DOCK4: variants seen among roughly 807,000 people sequenced by gnomAD.
DOCK4 encodes dedicator of cytokinesis 4, also known as dedicator of cytokinesis protein 4.
DOCK4 carries 97 observed loss-of-function variants against 268.1 expected under a neutral mutation model. The ratio of observed to expected loss-of-function variants is 0.36; its 90% CI spans 0.31 to 0.43. The LOEUF (loss-of-function observed/expected upper bound fraction) is 0.43, where lower values mean the gene tolerates loss of function less well. Ranked by LOEUF, DOCK4 falls within the 20% of genes least tolerant of loss-of-function variation. The pLI is 1.00. For synonymous variants in DOCK4, 954 were observed against 887.2 expected, an observed-to-expected ratio of 1.08 and a Z score of -1.34; for missense variants, 2,145 against 2,455.7, an observed-to-expected ratio of 0.87 and a Z score of 2.67.
At chr7:111,737,764 T>A (rs970494436) in intron 49 of DOCK4, among the ~76,000 whole-genome samples, 1 of 152,156 alleles carries the variant, frequency 6.6e-6, no homozygotes, top group Non-Finnish European at 1.5e-5. Flanking sequence ...GGGAGGCTAA[T>A]CAGAGAAGGC....
At chr7:112,031,765 A>C (rs1803296427) in intron 1 of DOCK4, among the ~76,000 whole-genome samples, 1 of 152,202 alleles carries the variant, frequency 6.6e-6, no homozygotes, top group Non-Finnish European at 1.5e-5. Flanking sequence ...TAAAACTATT[A>C]AATGAACCGC....
intron 1 of DOCK4, among the ~76,000 whole-genome samples, chr7:112,141,963 C>T (rs1291282352): frequency 6.6e-6 from 1 of 152,296 alleles, no homozygotes; most frequent in South Asian, 2.1e-4. Flanking sequence ...AACATCCCCC[C>T]ACTCATTGCA....
At chr7:111,795,538 A>G (rs777781335) in intron 30 of DOCK4, among the ~76,000 whole-genome samples, 127 of 152,298 alleles carry the variant, frequency 8.3e-4, no homozygotes, top group Non-Finnish European at 1.6e-3. Context: ...GGAAACAACC[A>G]GCCCTGATGC....
intron 1 of DOCK4, among the ~76,000 whole-genome samples, chr7:112,152,855 T>C (rs936424034): frequency 1.3e-5 from 2 of 152,066 alleles, no homozygotes; most frequent in Admixed American, 6.6e-5. Context: ...CCTTAAGTAG[T>C]AAAATGTGAA....
intron 12 of DOCK4, among the ~76,000 whole-genome samples, chr7:111,933,543 C>T (rs1218856174): frequency 6.6e-6 from 1 of 151,914 alleles, no homozygotes; most frequent in African/African-American, 2.4e-5. Context: ...GATCCACCCG[C>T]CTTGGCCTCC....
chr7:112,160,613 G>C (rs890582286), intron 1 of DOCK4, among the ~76,000 whole-genome samples: 1 of 152,166 alleles, frequency 6.6e-6, no homozygotes, highest in Non-Finnish European at 1.5e-5. Flanking sequence ...AGGTTACACA[G>C]AAATCTGAAC....
At chr7:111,960,929 T>C (rs1057175643) in intron 8 of DOCK4, among the ~76,000 whole-genome samples, 8 of 152,222 alleles carry the variant, frequency 5.3e-5, no homozygotes, top group African/African-American at 1.4e-4. Flanking sequence ...CATTCATCTG[T>C]TGATGGACAC....
intron 1 of DOCK4, among the ~76,000 whole-genome samples, chr7:112,033,050 G>C (rs1370277001): frequency 1.3e-5 from 2 of 152,122 alleles, no homozygotes; most frequent in Non-Finnish European, 2.9e-5. Flanking sequence ...GCAATAATCT[G>C]AGTAAGCAAA....
chr7:112,060,607 G>GTACA (rs1426059527), intron 1 of DOCK4, among the ~76,000 whole-genome samples: 2 of 152,128 alleles, frequency 1.3e-5, no homozygotes, highest in Non-Finnish European at 2.9e-5. Context: ...GCAAAATATG[G>GTACA]TACATAACAC....
chr7:111,840,853 A>T (rs1803630355), intron 25 of DOCK4: 8 of 1,351,038 alleles, frequency 5.9e-6, no homozygotes, highest in Non-Finnish European at 7.8e-6. Context: ...AAGACTCCCT[A>T]TTCAGAAAGC....
At chr7:111,977,086 C>A in intron 8 of DOCK4, 46 bp downstream of exon 8, 1 of 1,597,016 alleles carries the variant, frequency 6.3e-7, no homozygotes, top group Non-Finnish European at 8.5e-7. Flanking sequence ...AAATATCCAC[C>A]ATTCTAACAT....
chr7:112,047,675 G>A lies in DOCK4; in HGVS notation c.38-43544C>T, dbSNP rs187661202. On this transcript the variant is annotated intron_variant, in intron 1 of 52. Coordinates refer to ENST00000428084, the MANE Select transcript of DOCK4 (RefSeq NM_001363540.2). ...GCAACTATCCTAAATGAAACACAGA[G>A]AAAATTAATTAGTTTATTTATTTAT... 5.1e-3 allele frequency among the ~76,000 whole-genome samples: 778 copies of A among 151,988 alleles called. 7 individuals are homozygous for A. The highest frequency in any genetic ancestry group is 0.018 in the African/African-American group (733 of 41,500).
At chr7:111,934,302 C>A (rs573170218) in intron 12 of DOCK4, among the ~76,000 whole-genome samples, 4 of 152,054 alleles carry the variant, frequency 2.6e-5, no homozygotes, top group Non-Finnish European at 5.9e-5. Flanking sequence ...GTAGTATATA[C>A]TATATGTTAC....
At position 111,844,755 on chromosome 7, in the gene DOCK4, G is replaced by T. The variant is rs1456287830; in HGVS notation, c.2736+8C>A. The T allele has an allele frequency of 1.2e-6, 2 of 1,611,282 alleles. No homozygotes were observed. Among genetic ancestry groups the T allele is most frequent in the East Asian group, 4.5e-5 (2 of 44,838 alleles). ...CTGTTCCACGTGCCATCTGCTCTAT[G>T]ATCTTACAGTGACATCCTGGAACTG... On this transcript the variant is annotated splice_region_variant and intron_variant, in intron 25 of 52. Transcript: ENST00000428084.
At chr7:111,984,658 C>G (rs1798909985) in intron 6 of DOCK4, among the ~76,000 whole-genome samples, 1 of 152,188 alleles carries the variant, frequency 6.6e-6, no homozygotes, top group African/African-American at 2.4e-5. Context: ...CACTGGGGGC[C>G]TTAGCACCAC....
intron 1 of DOCK4, among the ~76,000 whole-genome samples, chr7:112,151,307 C>T (rs543100046): frequency 2.0e-5 from 3 of 152,202 alleles, no homozygotes; most frequent in Admixed American, 6.5e-5. Flanking sequence ...ACAGTAACAA[C>T]ATCTACCTCA....
intron 47 of DOCK4, chr7:111,739,689 G>C (rs527810226): frequency 1.8e-6 from 1 of 561,566 alleles, no homozygotes; most frequent in African/African-American, 1.9e-5. Flanking sequence ...GAATGCCTTC[G>C]TGTTAGATTC....
chr7:112,047,068 C>T (rs1179444300), intron 1 of DOCK4, among the ~76,000 whole-genome samples: 1 of 152,210 alleles, frequency 6.6e-6, no homozygotes, highest in African/African-American at 2.4e-5. Flanking sequence ...AGGAACAGTA[C>T]CTGAAATTCA....
intron 31 of DOCK4, among the ~76,000 whole-genome samples, chr7:111,789,858 G>A (rs564994235): frequency 1.3e-5 from 2 of 152,264 alleles, no homozygotes; most frequent in South Asian, 4.1e-4. Context: ...GAAGGACCTG[G>A]CAGAGCAAAA....
Sources: allele counts gnomAD v4.1 joint callset (sites outside exome capture counted in the v4.1 genomes callset), GRCh38; gene constraint gnomAD v4.1.1; transcripts MANE v1.5; gene names NCBI Gene and HGNC (gene_info 2026-07-23, HGNC 2026-07-21).